The following STAG1 variants were observed in gnomAD, a reference collection of about 807,000 sequenced individuals.
STAG1 encodes the protein cohesin subunit SA-1.
STAG1 carries 26 observed loss-of-function variants against 170.9 expected under a neutral mutation model. The ratio of observed to expected loss-of-function variants is 0.15; its 90% CI spans 0.11 to 0.21. STAG1 has a LOEUF of 0.21. STAG1 is among the 10% of genes least tolerant of loss of function. The probability of loss-of-function intolerance (pLI) is 1.00; values close to 1 mark genes in which losing one functional copy is unlikely to be tolerated. For synonymous variants in STAG1, 514 were observed against 497.7 expected, an observed-to-expected ratio of 1.03 and a Z score of -0.44; for missense variants, 964 against 1,509.5, an observed-to-expected ratio of 0.64 and a Z score of 5.99.
Position 136,452,152 on chromosome 3 carries a change from A to T in STAG1, c.1314-5T>A, listed in dbSNP as rs750778682. 3 of 1,602,506 alleles carry T rather than the reference A, an allele frequency of 1.9e-6. No individual in the cohort carries two copies. The South Asian group carries it at 3.3e-5, about 18-fold the overall frequency. ...GGGTCATGTCTGCTAAATAGCCTGG[A>T]AATGAAAAACAGGGCATTGCAAAGT... On this transcript the variant is annotated splice_region_variant and splice_polypyrimidine_tract_variant and intron_variant, in intron 13 of 33. Coordinates refer to ENST00000383202, the MANE Select transcript of STAG1 (RefSeq NM_005862.3).
At chr3:136,376,998 C>T (rs1403181627) in intron 23 of STAG1, among the ~76,000 whole-genome samples, 5 of 150,988 alleles carry the variant, frequency 3.3e-5, no homozygotes, top group East Asian at 4.0e-4. Context: ...TTGACAGTCT[C>T]GATCTCTTGA....
chr3:136,525,367 T>A (rs1934954390), intron 6 of STAG1, among the ~76,000 whole-genome samples: 1 of 152,236 alleles, frequency 6.6e-6, no homozygotes, highest in African/African-American at 2.4e-5. Context: ...TTCTAGATTT[T>A]CTAGTTTATT....
chr3:136,735,761 C>A (rs1235013154), intron 1 of STAG1, among the ~76,000 whole-genome samples: 1 of 152,108 alleles, frequency 6.6e-6, no homozygotes, highest in Non-Finnish European at 1.5e-5. Context: ...TATAGGGGTT[C>A]GCCACCACGC....
intron 31 of STAG1, 142 bp downstream of exon 31, chr3:136,341,299 C>T: frequency 1.7e-6 from 1 of 584,674 alleles, no homozygotes. Context: ...GAACTCACAC[C>T]CTCCTTTCCT....
At chr3:136,490,592 A>G (rs1417998144) in intron 9 of STAG1, among the ~76,000 whole-genome samples, 1 of 152,198 alleles carries the variant, frequency 6.6e-6, no homozygotes, top group Non-Finnish European at 1.5e-5. Context: ...AAAGAAAAAT[A>G]TCCTCTAATT....
intron 9 of STAG1, among the ~76,000 whole-genome samples, chr3:136,478,542 T>C (rs1226747162): frequency 2.0e-5 from 3 of 152,222 alleles, no homozygotes; most frequent in Non-Finnish European, 4.4e-5. Context: ...AATGTTAAAA[T>C]TTTAAGTAAT....
intron 4 of STAG1, among the ~76,000 whole-genome samples, chr3:136,589,419 C>T (rs956974555): frequency 6.6e-6 from 1 of 151,992 alleles, no homozygotes; most frequent in African/African-American, 2.4e-5. Context: ...GCAGGAGAAT[C>T]GATTGAACTC....
At chr3:136,344,580 A>G (rs1281091822) in intron 29 of STAG1, among the ~76,000 whole-genome samples, 4 of 151,988 alleles carry the variant, frequency 2.6e-5, no homozygotes, top group African/African-American at 9.7e-5. Flanking sequence ...GCCTTCCCTG[A>G]TTACCCCTAC....
intron 1 of STAG1, among the ~76,000 whole-genome samples, chr3:136,683,428 T>C (rs1942407807): frequency 6.6e-6 from 1 of 152,152 alleles, no homozygotes; most frequent in Non-Finnish European, 1.5e-5. Flanking sequence ...CACACCCAGC[T>C]AATTTTTGTA....
At chr3:136,522,186 T>C (rs6771002) in intron 6 of STAG1, among the ~76,000 whole-genome samples, 1 of 152,110 alleles carries the variant, frequency 6.6e-6, no homozygotes, top group Non-Finnish European at 1.5e-5. Flanking sequence ...TGTAGCTTTT[T>C]GTCCTTTCTA....
chr3:136,596,872 A>G (rs907595813), intron 4 of STAG1, among the ~76,000 whole-genome samples: 2 of 152,192 alleles, frequency 1.3e-5, no homozygotes, highest in African/African-American at 4.8e-5. Flanking sequence ...CAGGAGTTCA[A>G]GACCAGCTTG....
chr3:136,690,907 T>C (rs542962037), intron 1 of STAG1, among the ~76,000 whole-genome samples: 1 of 151,468 alleles, frequency 6.6e-6, no homozygotes, highest in South Asian at 2.1e-4. Context: ...GGATAATCTT[T>C]GAGCTACTGG....
chr3:136,394,565 T>C (rs572207287), intron 22 of STAG1, among the ~76,000 whole-genome samples: 44 of 151,926 alleles, frequency 2.9e-4, no homozygotes, highest in Non-Finnish European at 5.7e-4. Context: ...TGCTTGAGTC[T>C]AGGAGTTTGA....
At chr3:136,582,017 AAAGT>A (rs1256421753) in intron 4 of STAG1, among the ~76,000 whole-genome samples, 4 of 152,246 alleles carry the variant, frequency 2.6e-5, no homozygotes, top group Non-Finnish European at 4.4e-5. Context: ...GTTAAATAAA[AAAGT>A]AATAAACATT....
rs1049951494 is a variant in STAG1, at chr3:136,452,251, G to C, written c.1314-104C>G. On this transcript the variant is annotated intron_variant, in intron 13 of 33. Transcript: ENST00000383202. Reference sequence around the variant, plus strand: ...TGTTTAACAACAACAACAACAAAAAGGGGGAGCAGGGAGAACGAGCATCAG... The same window carrying C: ...TGTTTAACAACAACAACAACAAAAACGGGGAGCAGGGAGAACGAGCATCAG... The C allele has an allele frequency of 6.9e-6, 5 of 725,162 alleles. No homozygotes were observed. In the African/African-American group the frequency reaches 8.8e-5, roughly 13 times the overall value. 44.9% of individuals were successfully genotyped at this position (725,162 alleles called of 1,614,324 possible). A position where few individuals can be genotyped will look rare whatever the true frequency, so the allele number is the denominator to read the frequency against.
Position 136,336,349 on chromosome 3 carries a change from T to C in STAG1, c.*1905A>G, listed in dbSNP as rs763132211. On this transcript the variant is annotated 3_prime_UTR_variant, in exon 34 of 34. Coordinates refer to ENST00000383202, the MANE Select transcript of STAG1 (RefSeq NM_005862.3). Reference sequence around the variant, plus strand: ...TTTACAGAATTACTAGCAAAACCAATCAAGGAGACACCGAAAATACAAAAA... The same window carrying C: ...TTTACAGAATTACTAGCAAAACCAACCAAGGAGACACCGAAAATACAAAAA... 28 of 152,184 alleles carry C rather than the reference T, an allele frequency of 1.8e-4. No homozygotes were observed. The highest frequency in any genetic ancestry group is 3.5e-4 in the Non-Finnish European group (24 of 68,034). 9.4% of individuals were successfully genotyped at this position (152,184 alleles called of 1,614,324 possible). A position where few individuals can be genotyped will look rare whatever the true frequency, so the allele number is the denominator to read the frequency against.
At position 136,613,313 on chromosome 3, in the gene STAG1, CAAAAAAAAAAAAA is replaced by C. The variant is rs60449608; in HGVS notation, c.133-8853_133-8841del. Among the ~76,000 whole-genome samples the C allele has an allele frequency of 3.3e-5, 2 of 59,758 alleles. 1 individual carries two copies. The allele number at this position is 59,758 out of a possible 152,430, so 39.2% of individuals were successfully genotyped here. ...AAGTGAACAGAGTGAGACTCCGTCTCAAAAAAAAAAAAAAAAAAAAAAGAAATCAGAGTTTCTG... is the reference window on the plus strand; with the variant it reads ...AAGTGAACAGAGTGAGACTCCGTCTCAAAAAAAAAGAAATCAGAGTTTCTG... On this transcript the variant is annotated intron_variant, in intron 3 of 33. Coordinates refer to ENST00000383202, the MANE Select transcript of STAG1 (RefSeq NM_005862.3).
chr3:136,432,521 G>A (rs986813373), intron 16 of STAG1, among the ~76,000 whole-genome samples: 7 of 144,400 alleles, frequency 4.8e-5, no homozygotes, highest in African/African-American at 5.0e-5. Flanking sequence ...TTTTGGGGGG[G>A]GGGGGGCACA....
At chr3:136,742,719 A>G (rs1411401138) in intron 1 of STAG1, among the ~76,000 whole-genome samples, 2 of 152,000 alleles carry the variant, frequency 1.3e-5, no homozygotes, top group East Asian at 3.9e-4. Flanking sequence ...CATCTCAAAA[A>G]AAAAAAAAAG....
Sources: gnomAD v4.1 joint callset for allele counts (sites outside exome capture counted in the v4.1 genomes callset) on GRCh38, gnomAD v4.1.1 for gene constraint, MANE v1.5 for transcripts, NCBI Gene and HGNC (gene_info 2026-07-23, HGNC 2026-07-21) for gene names.